CDIN1: variants seen among roughly 807,000 people sequenced by gnomAD.
CDIN1 encodes CDAN1 interacting nuclease 1.
In CDIN1, 33 loss-of-function variants were observed where a neutral mutation model predicts 45.3. That is an observed-to-expected ratio of 0.73 (90% CI 0.55 to 0.97). The LOEUF (loss-of-function observed/expected upper bound fraction) is 0.97. Among genes scored for constraint, CDIN1 ranks in the 50% least tolerant of loss-of-function variants. The pLI, the probability that CDIN1 is intolerant of heterozygous loss-of-function variation, is 0.00. For missense variants in CDIN1, 303 were observed against 339.4 expected (o/e 0.89, Z 0.84); for synonymous variants, 118 against 124.4 (o/e 0.95, Z 0.34).
intron 5 of CDIN1, among the ~76,000 whole-genome samples, chr15:36,666,849 A>C (rs932524119): frequency 6.6e-6 from 1 of 152,198 alleles, no homozygotes; most frequent in Non-Finnish European, 1.5e-5. Flanking sequence ...ATGATAATAA[A>C]ATTTGACACT....
chr15:36,760,834 CAG>C (rs1383076981), intron 10 of CDIN1, among the ~76,000 whole-genome samples: 1 of 152,136 alleles, frequency 6.6e-6, no homozygotes, highest in Non-Finnish European at 1.5e-5. Flanking sequence ...AAAGGGATCA[CAG>C]AGTTTTAAGG....
At chr15:36,794,127 C>T (rs1416627913) in intron 10 of CDIN1, among the ~76,000 whole-genome samples, 9 of 141,570 alleles carry the variant, frequency 6.4e-5, no homozygotes, top group Middle Eastern at 4.3e-3. Flanking sequence ...GATGCGATCT[C>T]GGCTCACTGC....
intron 10 of CDIN1, among the ~76,000 whole-genome samples, chr15:36,744,289 C>A (rs1007421694): frequency 3.3e-5 from 5 of 152,170 alleles, no homozygotes; most frequent in Non-Finnish European, 7.3e-5. Flanking sequence ...CAAATGTCAA[C>A]CAGCCACATT....
chr15:36,757,861 T>A (rs2053649262), intron 10 of CDIN1, among the ~76,000 whole-genome samples: 1 of 152,104 alleles, frequency 6.6e-6, no homozygotes, highest in African/African-American at 2.4e-5. Context: ...TCATCTCAAA[T>A]CATCACAGGA....
intron 10 of CDIN1, among the ~76,000 whole-genome samples, chr15:36,801,554 G>A (rs1426839697): frequency 6.6e-6 from 1 of 152,022 alleles, no homozygotes; most frequent in South Asian, 2.1e-4. Context: ...ACTTAGACCC[G>A]TTGCTTCCCT....
intron 1 of CDIN1, among the ~76,000 whole-genome samples, chr15:36,641,683 TA>T (rs568425903): frequency 6.6e-6 from 1 of 152,102 alleles, no homozygotes; most frequent in African/African-American, 2.4e-5. Context: ...TCATTCTGTA[TA>T]AAAAAAATGT....
intron 1 of CDIN1, among the ~76,000 whole-genome samples, chr15:36,590,834 T>C (rs117977306): frequency 0.02 from 2,988 of 152,286 alleles, 42 homozygotes; most frequent in Non-Finnish European, 0.03. Context: ...TAGCACTATA[T>C]AGGATGGGAA....
In CDIN1 at chr15:36,794,873, A is replaced by G. The variant is rs191825287; in HGVS notation, c.717-13451A>G. ...ACTATTCACAATAACAAAGATATAG[A>G]ATCAACCTAAGTGTCCATCAGTGGA... On this transcript the variant is annotated intron_variant, in intron 10 of 10. Coordinates refer to ENST00000566621, the MANE Select transcript of CDIN1 (RefSeq NM_001321759.2). Among the ~76,000 whole-genome samples the G allele has an allele frequency of 3.5e-3, 530 of 152,356 alleles. 1 individual carries two copies. Among genetic ancestry groups the G allele is most frequent in the African/African-American group, 0.012 (508 of 41,582 alleles).
At chr15:36,606,936 G>A (rs2038405798) in intron 1 of CDIN1, among the ~76,000 whole-genome samples, 2 of 152,170 alleles carry the variant, frequency 1.3e-5, no homozygotes, top group Non-Finnish European at 1.5e-5. Flanking sequence ...AAACAGGTTG[G>A]AAGTCACAGA....
At chr15:36,649,716 A>G (rs1376794003) in intron 3 of CDIN1, among the ~76,000 whole-genome samples, 1 of 152,196 alleles carries the variant, frequency 6.6e-6, no homozygotes, top group African/African-American at 2.4e-5. Context: ...TGATAAGTTT[A>G]TTTCTAGACT....
chr15:36,684,232 A>G (rs1034704219), intron 5 of CDIN1, among the ~76,000 whole-genome samples: 29 of 150,870 alleles, frequency 1.9e-4, no homozygotes, highest in African/African-American at 6.6e-4. Context: ...AGCTCTTATT[A>G]TTTTGAAATA....
At chr15:36,706,574 C>A (rs183599723) in intron 8 of CDIN1, 2 of 151,482 alleles carry the variant, frequency 1.3e-5, no homozygotes, top group Admixed American at 1.3e-4. Context: ...GATCGCGCCA[C>A]TGCACTCCCA....
intron 3 of CDIN1, chr15:36,647,671 TA>T (rs2040391994): frequency 6.6e-6 from 1 of 152,222 alleles, no homozygotes. Context: ...AAATTGGCTT[TA>T]AAAGGTTTTT....
chr15:36,609,261 C>T (rs560576131), intron 1 of CDIN1, among the ~76,000 whole-genome samples: 1 of 152,194 alleles, frequency 6.6e-6, no homozygotes, highest in Non-Finnish European at 1.5e-5. Context: ...AGGGATCCTC[C>T]TACCTTGGCC....
intron 10 of CDIN1, among the ~76,000 whole-genome samples, chr15:36,795,797 G>A (rs1035859424): frequency 1.3e-5 from 2 of 151,914 alleles, no homozygotes; most frequent in Admixed American, 1.3e-4. Context: ...CGAACTCCTG[G>A]GCCCAAGCAA....
rs113500026 is a variant in CDIN1, at chr15:36,714,398, T to C, written c.716+4437T>C. Among the ~76,000 whole-genome samples the C allele has an allele frequency of 2.1e-3, 314 of 152,290 alleles. 1 individual carries two copies. The highest frequency in any genetic ancestry group is 6.9e-3 in the African/African-American group (288 of 41,570). ...TTGACATAGAATACCGTGAAAATTC[T>C]AAGCAGAGGATAAACTCTAGTTTCT... On this transcript the variant is annotated intron_variant, in intron 10 of 10. Transcript: ENST00000566621.
chr15:36,779,983 T>A (rs9646215), intron 10 of CDIN1, among the ~76,000 whole-genome samples: 10,362 of 152,244 alleles, frequency 0.068, 501 homozygotes, highest in Middle Eastern at 0.12. Flanking sequence ...CCCTCCCTTC[T>A]TCTAAAGTTC....
At chr15:36,733,403 C>A (rs2043901696) in intron 10 of CDIN1, among the ~76,000 whole-genome samples, 1 of 152,048 alleles carries the variant, frequency 6.6e-6, no homozygotes, top group Non-Finnish European at 1.5e-5. Flanking sequence ...ACCTGAAAAT[C>A]TGAGACTCTC....
At chr15:36,676,406 T>TATGG (rs2041651913) in intron 5 of CDIN1, among the ~76,000 whole-genome samples, 1 of 152,140 alleles carries the variant, frequency 6.6e-6, no homozygotes, top group African/African-American at 2.4e-5. Flanking sequence ...CATGATGTTG[T>TATGG]ATGGGCCTTT....
Sources: allele counts gnomAD v4.1 joint callset (sites outside exome capture counted in the v4.1 genomes callset), GRCh38; gene constraint gnomAD v4.1.1; transcripts MANE v1.5; gene names NCBI Gene and HGNC (gene_info 2026-07-23, HGNC 2026-07-21).